PCDHA2: variants seen among roughly 807,000 people sequenced by gnomAD.
The protein encoded by PCDHA2 is protocadherin alpha-2.
A neutral mutation model predicts 66.0 loss-of-function variants in PCDHA2; 58 were observed. The observed-to-expected ratio is 0.88, with a 90% CI of 0.71 to 1.09. The LOEUF (loss-of-function observed/expected upper bound fraction) is 1.09. PCDHA2 is among the 50% of genes least tolerant of loss of function. The pLI is 0.00. For synonymous variants in PCDHA2, 634 were observed against 554.0 expected, an observed-to-expected ratio of 1.14 and a Z score of -2.03; for missense variants, 1,267 against 1,242.3, an observed-to-expected ratio of 1.02 and a Z score of -0.30.
chr5:140,877,676 G>T (rs781985023), intron 1 of PCDHA2: 1 of 1,613,606 alleles, frequency 6.2e-7, no homozygotes, highest in South Asian at 1.1e-5. Context: ...TGCGCGCCGG[G>T]CAAGCCCACG....
At chr5:140,866,296 A>T (rs2049269688) in intron 1 of PCDHA2, 4 of 152,164 alleles carry the variant, frequency 2.6e-5, no homozygotes, top group Admixed American at 2.6e-4. Flanking sequence ...ACAAGTATAG[A>T]TGTTGATATT....
chr5:140,968,694 G>A, intron 1 of PCDHA2: 1 of 1,614,092 alleles, frequency 6.2e-7, no homozygotes, highest in Non-Finnish European at 8.5e-7. Flanking sequence ...GGAGAAATTA[G>A]GACTACCAGG....
At chr5:140,871,408 A>C (rs1053262394) in intron 1 of PCDHA2, 2 of 1,613,986 alleles carry the variant, frequency 1.2e-6, no homozygotes, top group African/African-American at 2.7e-5. Flanking sequence ...GACGGACCTC[A>C]TGGCCTTCAG....
chr5:140,841,942 G>T (rs2150326049), intron 1 of PCDHA2: 2 of 1,613,920 alleles, frequency 1.2e-6, no homozygotes, highest in Non-Finnish European at 1.7e-6. Flanking sequence ...ACGCTCCTGC[G>T]CACCACTTAT....
At position 140,795,447 on chromosome 5, in the gene PCDHA2, T is replaced by C; in HGVS notation, c.483T>C (p.Asp161=). The C allele has an allele frequency of 6.2e-7, 1 of 1,614,172 alleles. No homozygotes were observed. ...CTCTAGAGGGAGCATCTGATGCAGATATAGGAGTAAATGCTCTTCTCTCCT... is the reference window on the plus strand; with the variant it reads ...CTCTAGAGGGAGCATCTGATGCAGACATAGGAGTAAATGCTCTTCTCTCCT... The part of the protein sequence containing the change: ...RFPLEGASDA[D]IGVNALLSYK... Residue 161 remains aspartate (D), a synonymous_variant, in exon 1 of 4, where the codon GAT becomes GAC. Coordinates refer to ENST00000526136, the MANE Select transcript of PCDHA2 (RefSeq NM_018905.3).
chr5:140,848,458 G>A lies in PCDHA2; in HGVS notation c.2388+51106G>A, dbSNP rs2150410846. 52 of 1,529,436 alleles carry A rather than the reference G, an allele frequency of 3.4e-5. 3 individuals are homozygous for A. The South Asian group carries it at 5.9e-4, about 17-fold the overall frequency. The allele number at this position is 1,529,436 out of a possible 1,614,324, so 94.7% of individuals were successfully genotyped here. ...TCAGATGATTTCTTCTAATTTGGAG[G>A]CAATTTTCACTAATTAGAAGAAGAC... On this transcript the variant is annotated intron_variant, in intron 1 of 3. Transcript: ENST00000526136.
Position 140,877,413 on chromosome 5 carries a change from G to T in PCDHA2, c.2388+80061G>T, listed in dbSNP as rs540811233. 2.4e-5 allele frequency: 39 copies of T among 1,613,922 alleles called. No homozygotes were observed. The East Asian group carries it at 2.5e-4, about 10-fold the overall frequency. On this transcript the variant is annotated intron_variant, in intron 1 of 3. Transcript: ENST00000526136. Reference sequence around the variant, plus strand: ...AGGCGGACGCTCCGCGCCACCGCCTGCTGGTGCTGGTGAAGGACCACGGTG... The same window carrying T: ...AGGCGGACGCTCCGCGCCACCGCCTTCTGGTGCTGGTGAAGGACCACGGTG...
intron 1 of PCDHA2, among the ~76,000 whole-genome samples, chr5:140,873,949 C>G (rs1161044001): frequency 1.3e-5 from 2 of 152,218 alleles, no homozygotes; most frequent in Non-Finnish European, 1.5e-5. Flanking sequence ...GTGTAAGTCA[C>G]TGAGCCCAGC....
intron 1 of PCDHA2, among the ~76,000 whole-genome samples, chr5:140,916,847 C>T (rs1276107761): frequency 1.3e-5 from 2 of 152,116 alleles, no homozygotes; most frequent in Non-Finnish European, 2.9e-5. Flanking sequence ...GAGCCCAGCC[C>T]AGCACTAGGA....
chr5:140,853,247 C>T lies in PCDHA2; in HGVS notation c.2388+55895C>T, dbSNP rs985398812. ...GTAATTTAGTCCTTCATATTAATCT[C>T]TATTCTCTCTCAGAGTACAAGCTCT... On this transcript the variant is annotated intron_variant, in intron 1 of 3. Transcript: ENST00000526136. 2 of 976,048 alleles carry T rather than the reference C, an allele frequency of 2.0e-6. 1 individual carries two copies. Among genetic ancestry groups the T allele is most frequent in the Non-Finnish European group, 2.5e-6 (2 of 809,028 alleles). 60.5% of individuals were successfully genotyped at this position (976,048 alleles called of 1,614,324 possible).
chr5:140,948,468 CT>C (rs1173060430), intron 1 of PCDHA2, among the ~76,000 whole-genome samples: 1 of 151,468 alleles, frequency 6.6e-6, no homozygotes, highest in African/African-American at 2.4e-5. Flanking sequence ...GGGAAAGTTT[CT>C]GATAATAAAT....
chr5:140,930,329 A>C (rs868965676), intron 1 of PCDHA2: 1 of 152,198 alleles, frequency 6.6e-6, no homozygotes, highest in African/African-American at 2.4e-5. Context: ...AATGTATCTA[A>C]TGAAAGTTAA....
intron 1 of PCDHA2, among the ~76,000 whole-genome samples, chr5:140,937,259 G>A (rs1306999153): frequency 1.3e-5 from 2 of 151,850 alleles, no homozygotes; most frequent in East Asian, 3.9e-4. Context: ...GGATGGTCTC[G>A]ATCTCCTGAC....
intron 1 of PCDHA2, chr5:140,870,246 C>A: frequency 6.2e-7 from 1 of 1,614,168 alleles, no homozygotes; most frequent in Non-Finnish European, 8.5e-7. Flanking sequence ...CAGGTGTCAA[C>A]GGACAGGTGA....
chr5:140,971,210 C>G (rs192930872), intron 1 of PCDHA2, among the ~76,000 whole-genome samples: 383 of 152,274 alleles, frequency 2.5e-3, no homozygotes, highest in Non-Finnish European at 3.7e-3. Context: ...CACTGTTACC[C>G]TCCCTCTCCT....
rs1382251688 is a variant in PCDHA2, at chr5:141,010,812, C to A, written c.*875C>A. The A allele has an allele frequency of 6.5e-6, 1 of 153,746 alleles. No homozygotes were observed. Among genetic ancestry groups the A allele is most frequent in the Non-Finnish European group, 1.5e-5 (1 of 68,054 alleles). The allele number at this position is 153,746 out of a possible 1,614,324, so 9.5% of individuals were successfully genotyped here. On this transcript the variant is annotated 3_prime_UTR_variant, in exon 4 of 4. Coordinates refer to ENST00000526136, the MANE Select transcript of PCDHA2 (RefSeq NM_018905.3). The stretch of plus-strand genomic sequence containing the variant: ...GCAAAAGAAAACCCCGACACCTCAC[C>A]TTTCGCTGTTTGTTGTTTCATAGAT...
intron 1 of PCDHA2, chr5:140,884,638 G>C: frequency 6.2e-7 from 1 of 1,610,712 alleles, no homozygotes; most frequent in South Asian, 1.1e-5. Context: ...GCCAGAGGGA[G>C]GAGGACTCAG....
At chr5:140,849,651 A>T (rs2041019666) in intron 1 of PCDHA2, 1 of 1,598,758 alleles carries the variant, frequency 6.3e-7, no homozygotes, top group Non-Finnish European at 8.6e-7. Flanking sequence ...CGGGCAGGTT[A>T]CCTGCTCCCT....
chr5:140,821,673 G>A (rs1767026894), intron 1 of PCDHA2: 3 of 1,306,066 alleles, frequency 2.3e-6, no homozygotes, highest in African/African-American at 3.0e-5. Context: ...AAGAAGCTCA[G>A]AAAGGCGATA....
Sources: gnomAD v4.1 joint callset for allele counts (sites outside exome capture counted in the v4.1 genomes callset) on GRCh38, gnomAD v4.1.1 for gene constraint, MANE v1.5 for transcripts, NCBI Gene and HGNC (gene_info 2026-07-23, HGNC 2026-07-21) for gene names.